PUS10: variants seen among roughly 807,000 people sequenced by gnomAD.
The protein encoded by PUS10 is tRNA pseudouridine synthase Pus10.
Under a neutral mutation model 75.0 loss-of-function variants are expected in PUS10, and 59 were observed. That is an observed-to-expected ratio of 0.79 (90% confidence interval 0.64 to 0.98). The LOEUF is 0.98. Ranked by LOEUF, PUS10 falls within the 50% of genes least tolerant of loss-of-function variation. PUS10 has a pLI of 0.00. For missense variants in PUS10, 650 were observed against 614.4 expected (o/e 1.06, Z -0.61); for synonymous variants, 219 against 211.6 (o/e 1.03, Z -0.30).
At chr2:61,000,635 T>C (rs1268659521) in intron 4 of PUS10, among the ~76,000 whole-genome samples, 1 of 152,220 alleles carries the variant, frequency 6.6e-6, no homozygotes, top group Non-Finnish European at 1.5e-5. Flanking sequence ...CTTACCATTA[T>C]GTTATAATCA....
In PUS10 at chr2:60,974,211, C is replaced by CTT. The variant is rs35241132; in HGVS notation, c.469-2656_469-2655dup. Among the ~76,000 whole-genome samples the CTT allele has an allele frequency of 1.6e-3, 158 of 96,104 alleles. 1 individual carries two copies. Among genetic ancestry groups the CTT allele is most frequent in the African/African-American group, 3.9e-3 (80 of 20,360 alleles). 63.0% of individuals were successfully genotyped at this position (96,104 alleles called of 152,430 possible). ...ACTGTTCTACCACTTGATAAAGCTC[C>CTT]TTTTTTTTTTTTTTTTTTTTTTGGA... is the stretch of plus-strand genomic sequence containing the variant. On this transcript the variant is annotated intron_variant, in intron 4 of 17. Transcript: ENST00000316752.
At chr2:60,957,051 C>T (rs1675720426) in intron 11 of PUS10, among the ~76,000 whole-genome samples, 1 of 150,076 alleles carries the variant, frequency 6.7e-6, no homozygotes, top group Non-Finnish European at 1.5e-5. Flanking sequence ...AGGAAACATC[C>T]TTGGACTCCA....
Position 61,018,033 on chromosome 2 carries a change from C to A in PUS10, c.-41G>T. 1.4e-6 allele frequency: 2 copies of A among 1,423,342 alleles called. No individual in the cohort carries two copies. The highest frequency in any genetic ancestry group is 1.9e-6 in the Non-Finnish European group (2 of 1,066,726). 88.2% of individuals were successfully genotyped at this position (1,423,342 alleles called of 1,614,324 possible). The stretch of plus-strand genomic sequence containing the variant: ...CAGTGGGGACTTTAGTGTCTCACAG[C>A]TGTTTCTGACCCGGCAGCTCTAATC... On this transcript the variant is annotated 5_prime_UTR_variant, in exon 1 of 18. Coordinates refer to ENST00000316752, the MANE Select transcript of PUS10 (RefSeq NM_144709.4).
chr2:60,990,162 GA>G (rs1039744617), intron 4 of PUS10, among the ~76,000 whole-genome samples: 1 of 151,386 alleles, frequency 6.6e-6, no homozygotes, highest in South Asian at 2.1e-4. Context: ...GCACGCACGG[GA>G]AAAAAAACCT....
At chr2:60,964,441 C>A (rs1017740630) in intron 8 of PUS10, among the ~76,000 whole-genome samples, 1 of 152,100 alleles carries the variant, frequency 6.6e-6, no homozygotes, top group East Asian at 1.9e-4. Flanking sequence ...GAAAGATGAC[C>A]AATATCGCAC....
intron 11 of PUS10, among the ~76,000 whole-genome samples, chr2:60,956,971 TC>T (rs1450615092): frequency 2.1e-5 from 1 of 47,734 alleles, no homozygotes; most frequent in African/African-American, 1.5e-4. Flanking sequence ...CGAGACTCCA[TC>T]TCAAAAAAAA....
chr2:60,988,047 C>T (rs546822485), intron 4 of PUS10, among the ~76,000 whole-genome samples: 97 of 152,118 alleles, frequency 6.4e-4, no homozygotes, highest in African/African-American at 2.2e-3. Flanking sequence ...TGAGATCGTA[C>T]CACTGCACTC....
At chr2:60,999,198 T>G (rs898308752) in intron 4 of PUS10, among the ~76,000 whole-genome samples, 1 of 152,226 alleles carries the variant, frequency 6.6e-6, no homozygotes, top group Non-Finnish European at 1.5e-5. Context: ...TAAAAGGACT[T>G]AATGGAATAC....
rs376293043 is a variant in PUS10, at chr2:60,965,397, T to C, written c.677+26A>G. 136 of 1,579,330 alleles carry C rather than the reference T, an allele frequency of 8.6e-5. No homozygotes were observed. The African/African-American group carries it at 1.5e-3, about 17-fold the overall frequency. ...AAACAGCATTAACAATTTTACACCA[T>C]TGACGTTGTTTACATGGCAACTTAC... is the stretch of plus-strand genomic sequence containing the variant. On this transcript the variant is annotated intron_variant, in intron 7 of 17. Coordinates refer to ENST00000316752, the MANE Select transcript of PUS10 (RefSeq NM_144709.4).
In PUS10 at chr2:61,018,077, A is replaced by T; in HGVS notation, c.-85T>A. The T allele has an allele frequency of 6.6e-7, 1 of 1,504,074 alleles. No individual in the cohort carries two copies. The highest frequency in any genetic ancestry group is 1.3e-5 in the South Asian group (1 of 78,236). The allele number at this position is 1,504,074 out of a possible 1,614,324, so 93.2% of individuals were successfully genotyped here. A position where few individuals can be genotyped will look rare whatever the true frequency, so the allele number is the denominator to read the frequency against. On this transcript the variant is annotated 5_prime_UTR_variant, in exon 1 of 18. Transcript: ENST00000316752. ...TCTAATCAGCAACGTTTTTTTCGGG[A>T]GCTCCTGGGCGTCTCTCTGGGTCTC...
At chr2:60,955,686 C>T (rs1477116835) in intron 11 of PUS10, among the ~76,000 whole-genome samples, 1 of 152,082 alleles carries the variant, frequency 6.6e-6, no homozygotes, top group African/African-American at 2.4e-5. Context: ...TAAAAGAACA[C>T]CAAGCTTCAG....
intron 4 of PUS10, among the ~76,000 whole-genome samples, chr2:60,998,026 AT>A (rs1057419831): frequency 1.3e-4 from 20 of 152,236 alleles, no homozygotes; most frequent in African/African-American, 4.6e-4. Context: ...AGCGGAGTTA[AT>A]GAACAAAGAT....
intron 4 of PUS10, among the ~76,000 whole-genome samples, chr2:60,975,636 G>A (rs1227664879): frequency 7.1e-6 from 1 of 141,280 alleles, no homozygotes; most frequent in Non-Finnish European, 1.5e-5. Flanking sequence ...TATAATAGAC[G>A]ACTGAGACCT....
intron 8 of PUS10, among the ~76,000 whole-genome samples, chr2:60,964,438 G>C (rs1676212665): frequency 6.6e-6 from 1 of 152,188 alleles, no homozygotes; most frequent in Non-Finnish European, 1.5e-5. Flanking sequence ...CATGAAAGAT[G>C]ACCAATATCG....
chr2:61,002,383 A>C (rs1191554597), intron 4 of PUS10, among the ~76,000 whole-genome samples: 1 of 152,222 alleles, frequency 6.6e-6, no homozygotes, highest in Non-Finnish European at 1.5e-5. Flanking sequence ...TGTATCTGTA[A>C]ATAAACAACC....
rs948372070 is a variant in PUS10, at chr2:61,011,645, G to GT, written c.126+119dup. The GT allele has an allele frequency of 8.9e-6, 6 of 673,346 alleles. No homozygotes were observed. The South Asian group carries it at 1.9e-4, about 22-fold the overall frequency. The allele number at this position is 673,346 out of a possible 1,614,324, so 41.7% of individuals were successfully genotyped here. On this transcript the variant is annotated intron_variant, in intron 2 of 17. Coordinates refer to ENST00000316752, the MANE Select transcript of PUS10 (RefSeq NM_144709.4). ...TATGAATATCACTCATTTTATTATA[G>GT]TTTTTTAATTTAAAAAAGAGTTATG...
At chr2:60,983,604 G>A (rs1018103540) in intron 4 of PUS10, among the ~76,000 whole-genome samples, 3 of 151,790 alleles carry the variant, frequency 2.0e-5, no homozygotes, top group Non-Finnish European at 4.4e-5. Context: ...TTGAACCAGG[G>A]AGGCGGAGGT....
At chr2:60,944,741 C>T (rs1425619612) in intron 17 of PUS10, among the ~76,000 whole-genome samples, 1 of 151,904 alleles carries the variant, frequency 6.6e-6, no homozygotes, top group Admixed American at 6.6e-5. Context: ...TGACTATTTC[C>T]GTGCTTGGTT....
chr2:60,945,205 C>T, intron 16 of PUS10, 97 bp from the exon 17 acceptor site: 1 of 782,168 alleles, frequency 1.3e-6, no homozygotes, highest in Non-Finnish European at 2.2e-6. Flanking sequence ...AGAAATGTTA[C>T]AAAAGAAAGG....
Sources: allele counts gnomAD v4.1 joint callset (sites outside exome capture counted in the v4.1 genomes callset), GRCh38; gene constraint gnomAD v4.1.1; transcripts MANE v1.5; gene names NCBI Gene and HGNC (gene_info 2026-07-23, HGNC 2026-07-21).